Variants in CDS1 observed in about 807,000 individuals in gnomAD.
CDS1 encodes phosphatidate cytidylyltransferase 1.
Under a neutral mutation model 62.1 loss-of-function variants are expected in CDS1, and 41 were observed. The observed-to-expected ratio is 0.66, with a 90% CI of 0.51 to 0.86. CDS1 has a LOEUF of 0.86. Among genes scored for constraint, CDS1 ranks in the 40% least tolerant of loss-of-function variants. The pLI is 0.00. For synonymous variants in CDS1, 185 were observed against 192.6 expected (o/e 0.96, Z 0.32); for missense variants, 470 against 550.1 (o/e 0.85, Z 1.46).
At chr4:84,616,361 C>T (rs935256900) in intron 3 of CDS1, among the ~76,000 whole-genome samples, 3 of 152,002 alleles carry the variant, frequency 2.0e-5, no homozygotes, top group African/African-American at 2.4e-5. Flanking sequence ...TGATTGGACA[C>T]GTAATCAGTA....
In CDS1 at chr4:84,649,719, G is replaced by A. The variant is rs1472464550; in HGVS notation, c.*1033G>A. ...AGAAGGAAGATCTGCCTGGAGACCT[G>A]ATCCCAGTCCAGCTTTTTGACCATA... On this transcript the variant is annotated 3_prime_UTR_variant, in exon 13 of 13. Coordinates refer to ENST00000295887, the MANE Select transcript of CDS1 (RefSeq NM_001263.4). 2 of 152,232 alleles carry A rather than the reference G, an allele frequency of 1.3e-5. No homozygotes were observed. The highest frequency in any genetic ancestry group is 2.9e-5 in the Non-Finnish European group (2 of 68,066). 9.4% of individuals were successfully genotyped at this position (152,232 alleles called of 1,614,324 possible).
At chr4:84,620,910 A>AT (rs1266315682) in intron 5 of CDS1, among the ~76,000 whole-genome samples, 1 of 152,074 alleles carries the variant, frequency 6.6e-6, no homozygotes, top group Non-Finnish European at 1.5e-5. Flanking sequence ...AAAATACAGA[A>AT]TTAGCCGGGC....
intron 9 of CDS1, among the ~76,000 whole-genome samples, chr4:84,640,286 G>A (rs1724339602): frequency 6.6e-6 from 1 of 151,488 alleles, no homozygotes; most frequent in African/African-American, 2.4e-5. Flanking sequence ...GTGAATGGCT[G>A]CAAGAAAAGG....
chr4:84,586,700 G>A (rs1159769468), intron 1 of CDS1, among the ~76,000 whole-genome samples: 1 of 152,192 alleles, frequency 6.6e-6, no homozygotes, highest in Non-Finnish European at 1.5e-5. Flanking sequence ...TGGCTTAGAG[G>A]ACATCATCAG....
rs765930064 is a variant in CDS1, at chr4:84,648,631, C to T, written c.1331C>T (p.Thr444Ile). 6 of 1,613,666 alleles carry T rather than the reference C, an allele frequency of 3.7e-6. No individual in the cohort carries two copies. The East Asian group carries it at 1.1e-4, about 30-fold the overall frequency. Reference sequence around the variant, plus strand: ...GAACAGCAGTTAAATATATATAAAACCCTGAAGACTCATCTCATTGAGAAA... The same window carrying T: ...GAACAGCAGTTAAATATATATAAAATCCTGAAGACTCATCTCATTGAGAAA... ...QPEQQLNIYK[T>I]LKTHLIEKGI... The change falls in exon 13 of 13, where the codon ACC becomes ATC. Residue 444 changes from threonine (T) to isoleucine (I), a missense_variant. Thr to Ile is a moderately conservative substitution (Grantham distance 89). This residue lies in a region of CDS1 where 68 missense variants were observed against 81.5 expected (regional missense o/e 0.83). Coordinates refer to ENST00000295887, the MANE Select transcript of CDS1 (RefSeq NM_001263.4).
intron 5 of CDS1, among the ~76,000 whole-genome samples, chr4:84,623,000 T>C (rs1000929203): frequency 2.6e-5 from 4 of 152,240 alleles, no homozygotes; most frequent in Non-Finnish European, 5.9e-5. Flanking sequence ...CTAATTTCAG[T>C]GTAGAAATCC....
intron 9 of CDS1, among the ~76,000 whole-genome samples, chr4:84,640,265 A>G (rs1724339165): frequency 6.6e-6 from 1 of 151,222 alleles, no homozygotes; most frequent in African/African-American, 2.4e-5. Context: ...ATTCTCGAGC[A>G]GAATAATAGG....
chr4:84,645,190 AAATTTGCT>A (rs1486287607), intron 11 of CDS1, 24 bp from the exon 12 acceptor site: 1 of 1,454,582 alleles, frequency 6.9e-7, no homozygotes. Flanking sequence ...GATTTTTTGA[AAATTTGCT>A]AATATATTTG....
At chr4:84,604,531 G>A (rs1249926908) in intron 2 of CDS1, among the ~76,000 whole-genome samples, 161 bp downstream of exon 2, 2 of 152,174 alleles carry the variant, frequency 1.3e-5, no homozygotes, top group East Asian at 1.9e-4. Flanking sequence ...TGTATTTAAT[G>A]TGTATCCACC....
At chr4:84,640,471 C>A (rs1036773002) in intron 9 of CDS1, among the ~76,000 whole-genome samples, 2 of 151,928 alleles carry the variant, frequency 1.3e-5, no homozygotes, top group Non-Finnish European at 2.9e-5. Context: ...TTAACCTGTA[C>A]TATTTTGTAC....
chr4:84,593,476 C>G (rs1477473057), intron 1 of CDS1, among the ~76,000 whole-genome samples: 2 of 151,734 alleles, frequency 1.3e-5, no homozygotes, highest in Admixed American at 1.3e-4. Context: ...AGTATACACT[C>G]TGATCAGCAG....
intron 1 of CDS1, among the ~76,000 whole-genome samples, chr4:84,599,395 CACACACACACATATATATATATATAT>C (rs1211931081): frequency 9.9e-5 from 12 of 121,662 alleles, no homozygotes; most frequent in African/African-American, 3.7e-4. Flanking sequence ...CAAATTTTGA[CACACACACACATATATATATATATAT>C]ATATATATAT....
intron 10 of CDS1, among the ~76,000 whole-genome samples, chr4:84,641,211 C>T (rs140535143): frequency 9.2e-5 from 14 of 152,160 alleles, no homozygotes; most frequent in Middle Eastern, 3.4e-3. Flanking sequence ...GGATTACAGG[C>T]GCTCGCCACC....
chr4:84,635,628 TTCCTTCC>T (rs1724171700), intron 8 of CDS1, among the ~76,000 whole-genome samples: 7 of 61,140 alleles, frequency 1.1e-4, no homozygotes, highest in African/African-American at 3.8e-4. Context: ...CCTGCCTGCC[TTCCTTCC>T]TTCCTTCCTT....
intron 2 of CDS1, 76 bp from the exon 3 acceptor site, chr4:84,609,353 T>C: frequency 2.3e-6 from 2 of 881,656 alleles, no homozygotes; most frequent in South Asian, 3.0e-5. Flanking sequence ...AATTCATAAA[T>C]CTGGCAAATC....
At chr4:84,636,959 A>C (rs750248090) in intron 8 of CDS1, among the ~76,000 whole-genome samples, 1 of 152,188 alleles carries the variant, frequency 6.6e-6, no homozygotes, top group Non-Finnish European at 1.5e-5. Flanking sequence ...GCAGTTTTGG[A>C]AGGACTGAGA....
intron 1 of CDS1, among the ~76,000 whole-genome samples, chr4:84,591,585 T>C (rs912454386): frequency 1.3e-5 from 2 of 152,224 alleles, no homozygotes; most frequent in African/African-American, 4.8e-5. Flanking sequence ...AATTTTTTAG[T>C]GCAAAATAAT....
At chr4:84,645,847 G>GT (rs1724542205) in intron 12 of CDS1, among the ~76,000 whole-genome samples, 1 of 152,210 alleles carries the variant, frequency 6.6e-6, no homozygotes, top group African/African-American at 2.4e-5. Context: ...TTAGATGGTT[G>GT]TAAGTGTCAC....
At chr4:84,634,890 G>T (rs1252403071) in intron 7 of CDS1, among the ~76,000 whole-genome samples, 5 of 152,066 alleles carry the variant, frequency 3.3e-5, no homozygotes, top group Non-Finnish European at 7.4e-5. Flanking sequence ...TCTGTCTAAA[G>T]AAATGACTCA....
Sources: allele counts gnomAD v4.1 joint callset (sites outside exome capture counted in the v4.1 genomes callset), GRCh38; gene constraint gnomAD v4.1.1; regional missense constraint gnomAD v4.1.1; transcripts MANE v1.5; gene names NCBI Gene and HGNC (gene_info 2026-07-23, HGNC 2026-07-21).